The following DLG2 variants were observed in gnomAD, a reference collection of about 807,000 sequenced individuals.
DLG2 encodes disks large homolog 2.
DLG2 carries 45 observed loss-of-function variants against 132.5 expected under a neutral mutation model. The observed-to-expected ratio is 0.34, with a 90% CI of 0.27 to 0.44. The LOEUF (loss-of-function observed/expected upper bound fraction) is 0.44. DLG2 is among the 20% of genes least tolerant of loss of function. The pLI, the probability that DLG2 is intolerant of heterozygous loss-of-function variation, is 1.00. For missense variants in DLG2, 1,045 were observed against 1,196.9 expected (o/e 0.87, Z 1.87); for synonymous variants, 424 against 419.6 (o/e 1.01, Z -0.13).
chr11:83,741,941 C>T (rs562682889), intron 18 of DLG2, among the ~76,000 whole-genome samples: 153 of 152,092 alleles, frequency 1.0e-3, no homozygotes, highest in African/African-American at 3.7e-3. Context: ...ACATTCTAGA[C>T]AGACACACTG....
intron 5 of DLG2, among the ~76,000 whole-genome samples, chr11:85,122,664 G>C (rs770472932): frequency 2.6e-5 from 4 of 151,924 alleles, no homozygotes; most frequent in Non-Finnish European, 4.4e-5. Context: ...TGATTCAGTA[G>C]TTTCACACGG....
At chr11:83,818,300 T>C (rs187142508) in intron 17 of DLG2, among the ~76,000 whole-genome samples, 31 of 152,338 alleles carry the variant, frequency 2.0e-4, no homozygotes, top group African/African-American at 6.3e-4. Context: ...TTCATGTTCT[T>C]CCTTTGTGGC....
At chr11:83,788,126 C>A (rs1395763900) in intron 17 of DLG2, among the ~76,000 whole-genome samples, 1 of 152,170 alleles carries the variant, frequency 6.6e-6, no homozygotes, top group East Asian at 1.9e-4. Flanking sequence ...TTAGCTTATA[C>A]ACGTTCAAAA....
chr11:85,170,735 G>C lies in DLG2; in HGVS notation c.187-16084C>G, dbSNP rs184963343. Among the ~76,000 whole-genome samples, 218 of 152,302 alleles carry C rather than the reference G, an allele frequency of 1.4e-3. 2 individuals are homozygous for C. Among genetic ancestry groups the C allele is most frequent in the African/African-American group, 5.1e-3 (213 of 41,572 alleles). ...CGTAAAGAAAGGCAGGTTTGAGAAA[G>C]TAGGAAAATGCATTGCAAGAAAACA... On this transcript the variant is annotated intron_variant, in intron 4 of 27. Transcript: ENST00000376104.
intron 6 of DLG2, among the ~76,000 whole-genome samples, chr11:85,067,951 C>A (rs2065182927): frequency 6.6e-6 from 1 of 152,010 alleles, no homozygotes; most frequent in Non-Finnish European, 1.5e-5. Flanking sequence ...AGCTTATCCA[C>A]CATGATCAAG....
chr11:83,918,339 T>C (rs1379630094), intron 15 of DLG2, among the ~76,000 whole-genome samples: 5 of 152,162 alleles, frequency 3.3e-5, no homozygotes, highest in Non-Finnish European at 5.9e-5. Flanking sequence ...TCTCGACCTA[T>C]TGGATACCAG....
chr11:84,730,957 C>T (rs2063082341), intron 6 of DLG2, among the ~76,000 whole-genome samples: 1 of 152,008 alleles, frequency 6.6e-6, no homozygotes, highest in South Asian at 2.1e-4. Flanking sequence ...TGTTAATGAG[C>T]TGCAAGCATA....
intron 3 of DLG2, among the ~76,000 whole-genome samples, chr11:85,352,339 G>A (rs1381579417): frequency 5.3e-5 from 8 of 151,990 alleles, no homozygotes; most frequent in Non-Finnish European, 8.8e-5. Context: ...TACCTATTTT[G>A]TTGATCTTTT....
At chr11:84,734,331 T>C (rs1277902913) in intron 6 of DLG2, among the ~76,000 whole-genome samples, 3 of 152,190 alleles carry the variant, frequency 2.0e-5, no homozygotes, top group Non-Finnish European at 4.4e-5. Flanking sequence ...TGGTTTGCAG[T>C]TCTCCTTGAA....
intron 15 of DLG2, among the ~76,000 whole-genome samples, chr11:83,884,389 G>C (rs1231839968): frequency 6.6e-6 from 1 of 152,232 alleles, no homozygotes. Context: ...CGAGGCTAGG[G>C]GGAGGGGCGC....
chr11:84,473,925 A>G (rs2099115001), intron 7 of DLG2, among the ~76,000 whole-genome samples: 1 of 152,058 alleles, frequency 6.6e-6, no homozygotes, highest in South Asian at 2.1e-4. Context: ...GGTAAAACTC[A>G]TTTATGTTAT....
intron 6 of DLG2, among the ~76,000 whole-genome samples, chr11:84,590,542 T>G (rs1350297086): frequency 6.6e-6 from 1 of 152,204 alleles, no homozygotes; most frequent in Admixed American, 6.5e-5. Flanking sequence ...AATTACATCT[T>G]GTAAATATTT....
intron 6 of DLG2, among the ~76,000 whole-genome samples, chr11:85,063,031 C>T (rs758270086): frequency 9.9e-5 from 15 of 151,748 alleles, no homozygotes; most frequent in African/African-American, 3.1e-4. Context: ...AGTACTAAGA[C>T]GGTGATAACT....
chr11:84,376,639 G>T (rs1406789694), intron 7 of DLG2, among the ~76,000 whole-genome samples: 1 of 150,588 alleles, frequency 6.6e-6, no homozygotes, highest in African/African-American at 2.4e-5. Flanking sequence ...TTTTATTTTT[G>T]ATTTATAATC....
intron 8 of DLG2, among the ~76,000 whole-genome samples, chr11:84,201,703 T>C (rs1036326766): frequency 6.6e-6 from 1 of 151,754 alleles, no homozygotes. Flanking sequence ...TGTCCAAGAA[T>C]GTATCAATTT....
intron 3 of DLG2, among the ~76,000 whole-genome samples, chr11:85,590,484 T>C (rs1324781312): frequency 6.6e-6 from 1 of 152,158 alleles, no homozygotes; most frequent in Non-Finnish European, 1.5e-5. Context: ...TAAGAAATAA[T>C]GTCTATATCA....
chr11:85,240,483 A>G (rs906459770), intron 4 of DLG2, among the ~76,000 whole-genome samples: 3 of 151,840 alleles, frequency 2.0e-5, no homozygotes, highest in African/African-American at 7.2e-5. Flanking sequence ...TTTAAAAAAA[A>G]TCATTCTCTA....
intron 11 of DLG2, among the ~76,000 whole-genome samples, chr11:83,992,285 A>T (rs971556996): frequency 3.9e-5 from 6 of 152,140 alleles, no homozygotes; most frequent in African/African-American, 4.8e-5. Context: ...CTACTACAGA[A>T]TAGGACAAGT....
intron 3 of DLG2, among the ~76,000 whole-genome samples, chr11:85,474,773 TTTAC>T (rs1230230752): frequency 2.6e-5 from 4 of 151,634 alleles, no homozygotes; most frequent in African/African-American, 9.7e-5. Context: ...TTAATTAAAA[TTTAC>T]TTAATGTAAT....
Sources: allele counts gnomAD v4.1 joint callset (sites outside exome capture counted in the v4.1 genomes callset), GRCh38; gene constraint gnomAD v4.1.1; transcripts MANE v1.5; gene names NCBI Gene and HGNC (gene_info 2026-07-23, HGNC 2026-07-21).